The following ZCCHC7 variants were observed in gnomAD, a reference collection of about 807,000 sequenced individuals.
ZCCHC7 encodes the protein zinc finger CCHC-type containing 7, also known as zinc finger CCHC domain-containing protein 7.
ZCCHC7 carries 35 observed loss-of-function variants against 52.0 expected under a neutral mutation model. That is an observed-to-expected ratio of 0.67 (90% CI 0.51 to 0.89). The LOEUF (loss-of-function observed/expected upper bound fraction) is 0.89. Among genes scored for constraint, ZCCHC7 ranks in the 40% least tolerant of loss-of-function variants. The probability of loss-of-function intolerance (pLI) is 0.00; values close to 1 mark genes in which losing one functional copy is unlikely to be tolerated. For missense variants in ZCCHC7, 574 were observed against 649.1 expected (o/e 0.88, Z 1.26); for synonymous variants, 217 against 221.5 (o/e 0.98, Z 0.18).
chr9:37,182,028 A>G (rs955433154), intron 2 of ZCCHC7, among the ~76,000 whole-genome samples: 3 of 152,110 alleles, frequency 2.0e-5, no homozygotes. Flanking sequence ...CAATGTTTTT[A>G]AAAAGGGAGT....
intron 2 of ZCCHC7, among the ~76,000 whole-genome samples, chr9:37,236,875 TCTC>T (rs1221056530): frequency 6.6e-6 from 1 of 152,212 alleles, no homozygotes; most frequent in Non-Finnish European, 1.5e-5. Flanking sequence ...ATATCCTTCA[TCTC>T]CTGCATCTCA....
chr9:37,125,221 C>T (rs1158259643), intron 1 of ZCCHC7, among the ~76,000 whole-genome samples: 1 of 152,138 alleles, frequency 6.6e-6, no homozygotes, highest in African/African-American at 2.4e-5. Context: ...ATGAGCATAG[C>T]TCACTGTAAC....
intron 5 of ZCCHC7, among the ~76,000 whole-genome samples, chr9:37,306,612 CGTG>C (rs1829322419): frequency 4.0e-5 from 6 of 150,060 alleles, no homozygotes; most frequent in East Asian, 2.0e-4. Flanking sequence ...ATTACAGGCA[CGTG>C]CCACCACACC....
chr9:37,208,763 T>C (rs1028088565), intron 2 of ZCCHC7, among the ~76,000 whole-genome samples: 1 of 152,316 alleles, frequency 6.6e-6, no homozygotes, highest in East Asian at 1.9e-4. Flanking sequence ...GTTGGAGTGG[T>C]GTCTAGATTT....
In ZCCHC7 at chr9:37,354,202, C is replaced by G. The variant is rs1821557599; in HGVS notation, c.1084-508C>G. On this transcript the variant is annotated intron_variant, in intron 7 of 8. Transcript: ENST00000336755. The surrounding 1 kb of genome is among the most constrained non-coding windows in gnomAD (Gnocchi z 4.0). ...CCCCCCACCGTTAAGAATCACTACC[C>G]CTATAAGCAGTGAATGTTGAGTTAA... Among the ~76,000 whole-genome samples the G allele has an allele frequency of 1.3e-5, 2 of 151,998 alleles. No individual in the cohort carries two copies. The highest frequency in any genetic ancestry group is 2.9e-5 in the Non-Finnish European group (2 of 68,002).
chr9:37,331,463 T>G (rs1830445959), intron 6 of ZCCHC7, among the ~76,000 whole-genome samples: 1 of 151,638 alleles, frequency 6.6e-6, no homozygotes, highest in African/African-American at 2.4e-5. Flanking sequence ...AAGCATTCTA[T>G]GCCATACTAC....
upstream of ZCCHC7, among the ~76,000 whole-genome samples, chr9:37,120,252 G>T (rs570482993): frequency 1.3e-5 from 2 of 152,164 alleles, no homozygotes; most frequent in Non-Finnish European, 2.9e-5. Context: ...TTTTCCTCGC[G>T]GGGGTAGAGG....
chr9:37,291,091 ATCT>A (rs1828515033), intron 2 of ZCCHC7, among the ~76,000 whole-genome samples: 2 of 152,180 alleles, frequency 1.3e-5, no homozygotes, highest in South Asian at 2.1e-4. Flanking sequence ...TGTCTTTATA[ATCT>A]TCTTTCACTT....
intron 6 of ZCCHC7, among the ~76,000 whole-genome samples, chr9:37,332,061 A>C (rs1830470400): frequency 6.6e-6 from 1 of 151,630 alleles, no homozygotes; most frequent in African/African-American, 2.4e-5. Flanking sequence ...AGAACCAGAA[A>C]TACTCTTGTA....
intron 2 of ZCCHC7, among the ~76,000 whole-genome samples, chr9:37,129,461 TA>T (rs1168281976): frequency 1.3e-5 from 2 of 152,236 alleles, no homozygotes; most frequent in Non-Finnish European, 2.9e-5. Flanking sequence ...TTCCAATTAA[TA>T]AACAACATAT....
Position 37,356,770 on chromosome 9 carries a change from C to T in ZCCHC7, c.1199-65C>T, listed in dbSNP as rs541242975. 6.0e-4 allele frequency: 852 copies of T among 1,426,762 alleles called. 2 individuals carry two copies. The highest frequency in any genetic ancestry group is 3.5e-3 in the South Asian group (242 of 69,580). 88.4% of individuals were successfully genotyped at this position (1,426,762 alleles called of 1,614,324 possible). A position where few individuals can be genotyped will look rare whatever the true frequency, so the allele number is the denominator to read the frequency against. Reference sequence around the variant, plus strand: ...TTCCCTGTCTGTTAAGTTATTTACACTTAGGAAAGCTCAGCATGGACTGTT... The same window carrying T: ...TTCCCTGTCTGTTAAGTTATTTACATTTAGGAAAGCTCAGCATGGACTGTT... On this transcript the variant is annotated intron_variant, in intron 8 of 8. Transcript: ENST00000336755.
At chr9:37,304,745 A>T (rs1317628523) in intron 4 of ZCCHC7, among the ~76,000 whole-genome samples, 1 of 152,184 alleles carries the variant, frequency 6.6e-6, no homozygotes, top group Non-Finnish European at 1.5e-5. Flanking sequence ...CATGTAGCTT[A>T]CAGCCTAGTG....
chr9:37,209,046 A>G (rs1305828759), intron 2 of ZCCHC7, among the ~76,000 whole-genome samples: 2 of 147,214 alleles, frequency 1.4e-5, no homozygotes, highest in Non-Finnish European at 3.0e-5. Flanking sequence ...TACAACCGCA[A>G]TTTTTTTTTT....
At chr9:37,296,923 GTGTGTT>G (rs1828814613) in intron 2 of ZCCHC7, among the ~76,000 whole-genome samples, 1 of 149,892 alleles carries the variant, frequency 6.7e-6, no homozygotes, top group South Asian at 2.1e-4. Flanking sequence ...GTGTGTGTGT[GTGTGTT>G]TCGTAGAGAT....
chr9:37,337,702 A>T (rs1007463103), intron 6 of ZCCHC7, among the ~76,000 whole-genome samples: 52 of 152,310 alleles, frequency 3.4e-4, no homozygotes, highest in Non-Finnish European at 6.6e-4. Context: ...AAATAAGGCC[A>T]TAAAGACTCA....
intron 6 of ZCCHC7, among the ~76,000 whole-genome samples, chr9:37,336,966 C>T (rs1385248748): frequency 2.0e-5 from 3 of 152,046 alleles, no homozygotes; most frequent in South Asian, 2.1e-4. Context: ...TCACCGATCC[C>T]GCATGCTATG....
At chr9:37,132,510 A>G (rs1231804036) in intron 2 of ZCCHC7, among the ~76,000 whole-genome samples, 3 of 151,400 alleles carry the variant, frequency 2.0e-5, no homozygotes, top group Non-Finnish European at 4.4e-5. Flanking sequence ...ACATCAAGTC[A>G]TTCATATATG....
At chr9:37,162,018 T>A (rs986535354) in intron 2 of ZCCHC7, among the ~76,000 whole-genome samples, 9 of 152,156 alleles carry the variant, frequency 5.9e-5, no homozygotes, top group African/African-American at 2.2e-4. Flanking sequence ...CACATTAATA[T>A]CCTTTTAATG....
intron 2 of ZCCHC7, among the ~76,000 whole-genome samples, chr9:37,222,087 A>T (rs1419060560): frequency 1.3e-5 from 2 of 152,132 alleles, no homozygotes; most frequent in Admixed American, 6.5e-5. Flanking sequence ...TTTTAAGTGG[A>T]TGAAGAGACA....
Sources: allele counts gnomAD v4.1 joint callset (sites outside exome capture counted in the v4.1 genomes callset), GRCh38; gene constraint gnomAD v4.1.1; non-coding constraint Gnocchi (gnomAD v3.1); transcripts MANE v1.5; gene names NCBI Gene and HGNC (gene_info 2026-07-23, HGNC 2026-07-21).